IFFO2: variants seen among roughly 807,000 people sequenced by gnomAD.
The protein encoded by IFFO2 is intermediate filament family orphan 2.
Under a neutral mutation model 53.5 loss-of-function variants are expected in IFFO2, and 19 were observed. The observed-to-expected ratio is 0.36, with a 90% CI of 0.25 to 0.52. The LOEUF (loss-of-function observed/expected upper bound fraction) is 0.52, where lower values mean the gene tolerates loss of function less well. IFFO2 is among the 20% of genes least tolerant of loss of function. The probability of loss-of-function intolerance (pLI) is 0.94; values close to 1 mark genes in which losing one functional copy is unlikely to be tolerated. For missense variants in IFFO2, 570 were observed against 727.4 expected (o/e 0.78, Z 2.49); for synonymous variants, 303 against 313.6 (o/e 0.97, Z 0.36).
rs1169046998 is a variant in IFFO2 at position 18,928,237 on chromosome 1, C to T, written c.666-7116G>A. 6.6e-6 allele frequency among the ~76,000 whole-genome samples: 1 copy of T among 152,210 alleles called. No homozygotes were observed. Among genetic ancestry groups the T allele is most frequent in the African/African-American group, 2.4e-5 (1 of 41,446 alleles). On this transcript the variant is annotated intron_variant, in intron 1 of 8. Coordinates refer to ENST00000455833, the MANE Select transcript of IFFO2 (RefSeq NM_001136265.2). This position sits in a 1 kb window ranked among gnomAD's most constrained non-coding sequence, Gnocchi z 4.9. ...CCTGGCACCACCTCTTGTGGCCTCCCGGCTCCCATCTCCATGGAGCCCCTG... is the reference window on the plus strand; with the variant it reads ...CCTGGCACCACCTCTTGTGGCCTCCTGGCTCCCATCTCCATGGAGCCCCTG...
intron 1 of IFFO2, among the ~76,000 whole-genome samples, chr1:18,933,630 C>T (rs1027642484): frequency 2.0e-5 from 3 of 151,992 alleles, no homozygotes; most frequent in Admixed American, 6.6e-5. Context: ...GTGGTGGCAC[C>T]GCTTATAGTC....
chr1:18,949,343 C>T (rs1262440495), intron 1 of IFFO2, among the ~76,000 whole-genome samples: 1 of 152,186 alleles, frequency 6.6e-6, no homozygotes, highest in Non-Finnish European at 1.5e-5. Context: ...AGACACATGC[C>T]AGGTAGTTAC....
At chr1:18,944,829 T>G in intron 1 of IFFO2, among the ~76,000 whole-genome samples, 1 of 150,430 alleles carries the variant, frequency 6.6e-6, no homozygotes, top group Non-Finnish European at 1.5e-5. Flanking sequence ...AGGATGGGAG[T>G]GAGACAGCCA....
At position 18,919,548 on chromosome 1, in the gene IFFO2, C is replaced by A; in HGVS notation, c.822+130G>T. 1.5e-6 allele frequency: 1 copy of A among 681,942 alleles called. No individual in the cohort carries two copies. The highest frequency in any genetic ancestry group is 1.8e-5 in the African/African-American group (1 of 56,496). 42.2% of individuals were successfully genotyped at this position (681,942 alleles called of 1,614,324 possible). A position where few individuals can be genotyped will look rare whatever the true frequency, so the allele number is the denominator to read the frequency against. Reference sequence around the variant, plus strand: ...CGATGCATCCAATGCATCCGTCATCCTCATGGTCAAACACAGCCAGCCAGG... The same window carrying A: ...CGATGCATCCAATGCATCCGTCATCATCATGGTCAAACACAGCCAGCCAGG... On this transcript the variant is annotated intron_variant, in intron 3 of 8. Transcript: ENST00000455833. This position sits in a 1 kb window ranked among gnomAD's most constrained non-coding sequence, Gnocchi z 4.9.
chr1:18,952,500 C>T (rs1469201118), intron 1 of IFFO2, among the ~76,000 whole-genome samples: 1 of 152,162 alleles, frequency 6.6e-6, no homozygotes, highest in East Asian at 1.9e-4. Flanking sequence ...ATGGTCTATA[C>T]TACAGAGGAA....
chr1:18,924,507 T>G (rs946810066), intron 1 of IFFO2, among the ~76,000 whole-genome samples: 6 of 151,896 alleles, frequency 4.0e-5, no homozygotes, highest in Non-Finnish European at 7.4e-5. Flanking sequence ...GTGCACCTAC[T>G]TTGGATCAGC....
Position 18,906,814 on chromosome 1 carries a change from C to T in IFFO2, c.*1747G>A, listed in dbSNP as rs768325772. 3.3e-5 allele frequency: 5 copies of T among 152,088 alleles called. No homozygotes were observed. Among genetic ancestry groups the T allele is most frequent in the African/African-American group, 4.8e-5 (2 of 41,400 alleles). The allele number at this position is 152,088 out of a possible 1,614,324, so 9.4% of individuals were successfully genotyped here. A position where few individuals can be genotyped will look rare whatever the true frequency, so the allele number is the denominator to read the frequency against. On this transcript the variant is annotated 3_prime_UTR_variant, in exon 9 of 9. Transcript: ENST00000455833. Reference sequence around the variant, plus strand: ...CACAGGGGACCCGTGGGAGGTGCCCCCAGCAAAAGAAAACAAAGGAAAAAA... The same window carrying T: ...CACAGGGGACCCGTGGGAGGTGCCCTCAGCAAAAGAAAACAAAGGAAAAAA...
In IFFO2 at chr1:18,942,840, CT is replaced by C. The variant is rs35473539; in HGVS notation, c.665+12827del. Among the ~76,000 whole-genome samples the C allele has an allele frequency of 8.7e-3, 1,176 of 135,144 alleles. 10 individuals are homozygous for C. Among genetic ancestry groups the C allele is most frequent in the African/African-American group, 0.028 (1,020 of 37,084 alleles). 88.7% of individuals were successfully genotyped at this position (135,144 alleles called of 152,430 possible). A position where few individuals can be genotyped will look rare whatever the true frequency, so the allele number is the denominator to read the frequency against. On this transcript the variant is annotated intron_variant, in intron 1 of 8. Transcript: ENST00000455833. ...CCTGATGTTTTATTTTATATTATTT[CT>C]TTTTTTTTTTTTTTTGAGATGGAGT...
rs1033504020 is a variant in IFFO2 at position 18,916,199 on chromosome 1, C to A, written c.1103+704G>T. On this transcript the variant is annotated intron_variant, in intron 5 of 8. Transcript: ENST00000455833. This position sits in a 1 kb window ranked among gnomAD's most constrained non-coding sequence, Gnocchi z 4.3. ...GGTTCATGACATCCTCAGACACAGA[C>A]ATGTCCAGAGAGAGGACAGCCCAGC... Among the ~76,000 whole-genome samples the A allele has an allele frequency of 6.6e-6, 1 of 152,126 alleles. No individual in the cohort carries two copies. Among genetic ancestry groups the A allele is most frequent in the African/African-American group, 2.4e-5 (1 of 41,420 alleles).
At chr1:18,912,420 T>C (rs1414673083) in intron 5 of IFFO2, among the ~76,000 whole-genome samples, 3 of 152,306 alleles carry the variant, frequency 2.0e-5, no homozygotes, top group Admixed American at 6.5e-5. Flanking sequence ...AGCCTCTAGT[T>C]TGAGTGAGAT....
At position 18,928,734 on chromosome 1, in the gene IFFO2, G is replaced by A. The variant is rs1936335137; in HGVS notation, c.666-7613C>T. On this transcript the variant is annotated intron_variant, in intron 1 of 8. Transcript: ENST00000455833. This position sits in a 1 kb window ranked among gnomAD's most constrained non-coding sequence, Gnocchi z 4.9. ...GCCCTGGCTGCGTTGCTAATTTGCT[G>A]CATGACCCTGAGCAAGTCCCTTCTC... Among the ~76,000 whole-genome samples, 1 of 152,212 alleles carries A rather than the reference G, an allele frequency of 6.6e-6. No individual in the cohort carries two copies. The highest frequency in any genetic ancestry group is 1.5e-5 in the Non-Finnish European group (1 of 68,028).
chr1:18,908,151 A>T lies in IFFO2; in HGVS notation c.*410T>A, dbSNP rs367725517. ...CCAATCAGAGGAGCAGGTGGGACGG[A>T]CGGCAGAAACCACATTACACCACGG... On this transcript the variant is annotated 3_prime_UTR_variant, in exon 9 of 9. Transcript: ENST00000455833. 8 of 211,220 alleles carry T rather than the reference A, an allele frequency of 3.8e-5. No individual in the cohort carries two copies. Among genetic ancestry groups the T allele is most frequent in the South Asian group, 1.5e-4 (2 of 13,522 alleles). The allele number at this position is 211,220 out of a possible 1,614,324, so 13.1% of individuals were successfully genotyped here. A position where few individuals can be genotyped will look rare whatever the true frequency, so the allele number is the denominator to read the frequency against.
chr1:18,916,900 C>A lies in IFFO2; in HGVS notation c.1103+3G>T, dbSNP rs1169899626. ...AGAGTGTGCGGGCCACGGGGATACT[C>A]ACAGCTGGTTAAACATGCGCTTCAT... is the stretch of plus-strand genomic sequence containing the variant. On this transcript the variant is annotated splice_donor_region_variant and intron_variant, in intron 5 of 8. Coordinates refer to ENST00000455833, the MANE Select transcript of IFFO2 (RefSeq NM_001136265.2). This position sits in a 1 kb window ranked among gnomAD's most constrained non-coding sequence, Gnocchi z 4.3. The A allele has an allele frequency of 3.2e-6, 5 of 1,551,766 alleles. No homozygotes were observed. Among genetic ancestry groups the A allele is most frequent in the Non-Finnish European group, 4.4e-6 (5 of 1,147,000 alleles).
chr1:18,912,937 T>C (rs1469775683), intron 5 of IFFO2, among the ~76,000 whole-genome samples: 1 of 152,204 alleles, frequency 6.6e-6, no homozygotes, highest in Non-Finnish European at 1.5e-5. Flanking sequence ...TTACCCCAAC[T>C]GGAGGAGACC....
chr1:18,916,617 AT>A lies in IFFO2; in HGVS notation c.1103+285del, dbSNP rs1936136104. 6.6e-6 allele frequency among the ~76,000 whole-genome samples: 1 copy of A among 152,080 alleles called. No homozygotes were observed. The highest frequency in any genetic ancestry group is 2.1e-4 in the South Asian group (1 of 4,828). The stretch of plus-strand genomic sequence containing the variant: ...CCTGTCTCTACAAAAAAATTTAAAA[AT>A]TAGCTGGGCATGGTGGCACATGCCT... On this transcript the variant is annotated intron_variant, in intron 5 of 8. Coordinates refer to ENST00000455833, the MANE Select transcript of IFFO2 (RefSeq NM_001136265.2). The surrounding 1 kb of genome is among the most constrained non-coding windows in gnomAD (Gnocchi z 4.3).
At position 18,936,516 on chromosome 1, in the gene IFFO2, C is replaced by A. The variant is rs1936449013; in HGVS notation, c.666-15395G>T. Among the ~76,000 whole-genome samples, 1 of 152,202 alleles carries A rather than the reference C, an allele frequency of 6.6e-6. No homozygotes were observed. Among genetic ancestry groups the A allele is most frequent in the African/African-American group, 2.4e-5 (1 of 41,458 alleles). ...GCAGGAGGCCCAGGGGGTCTGTGCCCAGGAGAGTGTGGGGGCCCCCAGGCC... is the reference window on the plus strand; with the variant it reads ...GCAGGAGGCCCAGGGGGTCTGTGCCAAGGAGAGTGTGGGGGCCCCCAGGCC... On this transcript the variant is annotated intron_variant, in intron 1 of 8. Coordinates refer to ENST00000455833, the MANE Select transcript of IFFO2 (RefSeq NM_001136265.2). This position sits in a 1 kb window ranked among gnomAD's most constrained non-coding sequence, Gnocchi z 4.5.
chr1:18,905,241 A>G lies in IFFO2; in HGVS notation c.*3320T>C. Reference sequence around the variant, plus strand: ...GGAGAGGAGAATGGGGTGAAGTGGGACCTACACTCTGCTGAAGCTGCTCAT... The same window carrying G: ...GGAGAGGAGAATGGGGTGAAGTGGGGCCTACACTCTGCTGAAGCTGCTCAT... On this transcript the variant is annotated 3_prime_UTR_variant, in exon 9 of 9. Coordinates refer to ENST00000455833, the MANE Select transcript of IFFO2 (RefSeq NM_001136265.2). 1 of 145,802 alleles carries G rather than the reference A, an allele frequency of 6.9e-6. No individual in the cohort carries two copies. Among genetic ancestry groups the G allele is most frequent in the Non-Finnish European group, 1.5e-5 (1 of 66,594 alleles). 9.0% of individuals were successfully genotyped at this position (145,802 alleles called of 1,614,324 possible).
chr1:18,917,148 CTG>C lies in IFFO2; in HGVS notation c.964-108_964-107del. The C allele has an allele frequency of 7.7e-7, 1 of 1,305,616 alleles. No individual in the cohort carries two copies. The highest frequency in any genetic ancestry group is 1.0e-6 in the Non-Finnish European group (1 of 953,530). The allele number at this position is 1,305,616 out of a possible 1,614,324, so 80.9% of individuals were successfully genotyped here. On this transcript the variant is annotated intron_variant, in intron 4 of 8. Transcript: ENST00000455833. This position sits in a 1 kb window ranked among gnomAD's most constrained non-coding sequence, Gnocchi z 5.9. Reference sequence around the variant, plus strand: ...GCATCTCACAGGATGATGAGCGTGACTGGGGCCGGCCAGTGCCAGGAAAGGTG... The same window carrying C: ...GCATCTCACAGGATGATGAGCGTGACGGGCCGGCCAGTGCCAGGAAAGGTG...
chr1:18,906,068 A>C lies in IFFO2; in HGVS notation c.*2493T>G, dbSNP rs2100633449. The stretch of plus-strand genomic sequence containing the variant: ...GCATGTGGTGGAGAGGCAGGCAGGC[A>C]GGCAGGCAGGCCGGACCCAGGAACC... On this transcript the variant is annotated 3_prime_UTR_variant, in exon 9 of 9. Coordinates refer to ENST00000455833, the MANE Select transcript of IFFO2 (RefSeq NM_001136265.2). 1 of 152,494 alleles carries C rather than the reference A, an allele frequency of 6.6e-6. No homozygotes were observed. The highest frequency in any genetic ancestry group is 6.5e-5 in the Admixed American group (1 of 15,300). The allele number at this position is 152,494 out of a possible 1,614,324, so 9.4% of individuals were successfully genotyped here.
Sources: gnomAD v4.1 joint callset for allele counts (sites outside exome capture counted in the v4.1 genomes callset) on GRCh38, gnomAD v4.1.1 for gene constraint, Gnocchi (gnomAD v3.1) non-coding constraint, MANE v1.5 for transcripts, NCBI Gene and HGNC (gene_info 2026-07-23, HGNC 2026-07-21) for gene names.